SPATA31H1: variants seen among roughly 807,000 people sequenced by gnomAD.
The protein encoded by SPATA31H1 is SPATA31 subfamily H member 1.
the SPATA31H1 span, chr2:27,574,147 C>T: frequency 1.5e-4 from 59 of 398,406 alleles, no homozygotes; most frequent in Middle Eastern, 1.3e-3. Flanking sequence ...TCTTCTGAGT[C>T]GATACCGAAG....
chr2:27,553,728 C>A, the SPATA31H1 span, among the ~76,000 whole-genome samples: 2 of 151,354 alleles, frequency 1.3e-5, no homozygotes, highest in Non-Finnish European at 1.5e-5. Flanking sequence ...TCGAGACCAG[C>A]CTGGCCAACA....
At chr2:27,573,111 A>C in the SPATA31H1 span, 1 of 397,568 alleles carries the variant, frequency 2.5e-6, no homozygotes, top group South Asian at 1.3e-4. Context: ...GAAATCCTCC[A>C]CAGAGTCGGG....
chr2:27,577,505 C>A, the SPATA31H1 span: 1 of 1,614,126 alleles, frequency 6.2e-7, no homozygotes, highest in Non-Finnish European at 8.5e-7. This position sits in a 1 kb window ranked among gnomAD's most constrained non-coding sequence, Gnocchi z 4.5. Context: ...CCCCAAGGCT[C>A]TGTCCTCAAA....
chr2:27,568,759 C>G, the SPATA31H1 span: 4 of 398,886 alleles, frequency 1.0e-5, no homozygotes, highest in Non-Finnish European at 1.8e-5. Flanking sequence ...GATGTGAAAA[C>G]TCCTCAAATG....
the SPATA31H1 span, chr2:27,582,384 A>G: frequency 6.2e-7 from 1 of 1,614,188 alleles, no homozygotes; most frequent in Non-Finnish European, 8.5e-7. Context: ...CAGTCCCCTT[A>G]AGGAGGGACT....
At chr2:27,567,857 T>G in the SPATA31H1 span, 4 of 398,898 alleles carry the variant, frequency 1.0e-5, no homozygotes, top group African/African-American at 8.2e-5. Flanking sequence ...TGGCACTACT[T>G]CGGGTCATGG....
the SPATA31H1 span, among the ~76,000 whole-genome samples, chr2:27,549,072 CAAAAAAAAAAAA>C: frequency 1.5e-4 from 8 of 53,314 alleles, no homozygotes; most frequent in East Asian, 4.6e-3. Context: ...GACTCCGTCT[CAAAAAAAAAAAA>C]AAAAAAAAAA....
the SPATA31H1 span, chr2:27,577,917 G>C: frequency 1.2e-6 from 2 of 1,614,068 alleles, no homozygotes; most frequent in South Asian, 2.2e-5. The surrounding 1 kb of genome is among the most constrained non-coding windows in gnomAD (Gnocchi z 4.5). Flanking sequence ...GGTATCAATG[G>C]GGCTAACAAA....
At chr2:27,563,439 G>A in the SPATA31H1 span, among the ~76,000 whole-genome samples, 2 of 118,730 alleles carry the variant, frequency 1.7e-5, no homozygotes, top group African/African-American at 3.3e-5. Context: ...TATCACCCAG[G>A]CTGGAGAGTG....
chr2:27,574,751 T>C, the SPATA31H1 span: 2 of 398,276 alleles, frequency 5.0e-6, no homozygotes, highest in Non-Finnish European at 4.4e-6. Context: ...AGACAAAGCT[T>C]CAAGGTGGGG....
At chr2:27,549,444 C>T in the SPATA31H1 span, among the ~76,000 whole-genome samples, 1 of 151,564 alleles carries the variant, frequency 6.6e-6, no homozygotes, top group Admixed American at 6.6e-5. Context: ...CTCAAGTGAT[C>T]CGACCACCTC....
At chr2:27,567,441 A>T in the SPATA31H1 span, 1 of 434,318 alleles carries the variant, frequency 2.3e-6, no homozygotes, top group African/African-American at 2.0e-5. Flanking sequence ...CATTCATCAA[A>T]ACACTGAGCA....
At chr2:27,581,631 TGCAGTCCCTCTGAGAGAAGACATC>T in the SPATA31H1 span, 2 of 1,492,180 alleles carry the variant, frequency 1.3e-6, no homozygotes, top group Non-Finnish European at 1.8e-6. Flanking sequence ...GAGAAGCCAT[TGCAGTCCCTCTGAGAGAAGACATC>T]GCAGTCCCTC....
At chr2:27,562,541 A>G in the SPATA31H1 span, among the ~76,000 whole-genome samples, 4 of 148,154 alleles carry the variant, frequency 2.7e-5, no homozygotes, top group Non-Finnish European at 5.9e-5. Flanking sequence ...AAATATATAT[A>G]TATGTGTCTA....
the SPATA31H1 span, chr2:27,573,077 T>G: frequency 2.5e-6 from 1 of 396,202 alleles, no homozygotes; most frequent in Admixed American, 4.5e-5. Context: ...GTTCACAATC[T>G]CGAGGTGTCA....
the SPATA31H1 span, chr2:27,579,475 G>A: frequency 1.9e-6 from 3 of 1,614,018 alleles, no homozygotes; most frequent in African/African-American, 4.0e-5. Flanking sequence ...TTTTATCATG[G>A]TCATAAGAAA....
the SPATA31H1 span, chr2:27,566,076 T>A: frequency 1.4e-6 from 1 of 717,526 alleles, no homozygotes; most frequent in South Asian, 1.5e-5. Context: ...CAGGATGGCT[T>A]GCACTGAAGC....
chr2:27,581,168 C>T, the SPATA31H1 span: 90 of 1,614,216 alleles, frequency 5.6e-5, no homozygotes, highest in Middle Eastern at 3.3e-4. Flanking sequence ...ATCTTAAAGA[C>T]AAACTCACAC....
At chr2:27,563,661 G>T in the SPATA31H1 span, among the ~76,000 whole-genome samples, 1,487 of 151,772 alleles carry the variant, frequency 9.8e-3, 26 homozygotes, top group African/African-American at 0.033. Flanking sequence ...CCAAGTTGAA[G>T]TAATTCTCCT....
Sources: gnomAD v4.1 joint callset for allele counts (sites outside exome capture counted in the v4.1 genomes callset) on GRCh38, gnomAD v4.1.1 for gene constraint, Gnocchi (gnomAD v3.1) non-coding constraint, MANE v1.5 for transcripts, NCBI Gene and HGNC (gene_info 2026-07-23, HGNC 2026-07-21) for gene names.